MAP1B: variants seen among roughly 807,000 people sequenced by gnomAD.
The protein encoded by MAP1B is microtubule-associated protein 1B.
A neutral mutation model predicts 176.1 loss-of-function variants in MAP1B; 12 were observed. That is an observed-to-expected ratio of 0.07 (90% confidence interval 0.04 to 0.11). MAP1B has a LOEUF of 0.11. MAP1B is among the 10% of genes least tolerant of loss of function. MAP1B has a pLI of 1.00. For synonymous variants in MAP1B, 1,044 were observed against 1,135.0 expected (o/e 0.92, Z 1.61); for missense variants, 2,523 against 2,990.5 (o/e 0.84, Z 3.65).
chr5:72,156,970 A>G (rs1746238791), intron 2 of MAP1B, among the ~76,000 whole-genome samples: 1 of 152,218 alleles, frequency 6.6e-6, no homozygotes, highest in Non-Finnish European at 1.5e-5. Flanking sequence ...TAGTAGCATC[A>G]TTACGGGCTG....
chr5:72,125,061 A>T (rs182830529), intron 2 of MAP1B, among the ~76,000 whole-genome samples: 24 of 152,250 alleles, frequency 1.6e-4, no homozygotes, highest in African/African-American at 5.5e-4. Context: ...AAAACCTCTC[A>T]CTTGGAAGTT....
At chr5:72,157,390 C>A (rs572781881) in intron 2 of MAP1B, among the ~76,000 whole-genome samples, 1 of 152,262 alleles carries the variant, frequency 6.6e-6, no homozygotes, top group South Asian at 2.1e-4. Context: ...CACAAATCTC[C>A]AATTTATTAT....
chr5:72,202,883 C>T (rs1385340801), intron 5 of MAP1B, among the ~76,000 whole-genome samples: 1 of 152,194 alleles, frequency 6.6e-6, no homozygotes, highest in African/African-American at 2.4e-5. Flanking sequence ...AAAGCCTAGT[C>T]TTTCTGAACC....
In MAP1B at chr5:72,186,765, G is replaced by T. The variant is rs747380525; in HGVS notation, c.510+11G>T. The T allele has an allele frequency of 1.2e-6, 2 of 1,613,832 alleles. No individual in the cohort carries two copies. Among genetic ancestry groups the T allele is most frequent in the South Asian group, 2.2e-5 (2 of 91,082 alleles). ...TTCACCGATCAAGAGGTAGGTTCGT[G>T]TCTGAGAATATCTGTGCTTCTAGTG... On this transcript the variant is annotated intron_variant, in intron 4 of 6. Coordinates refer to ENST00000296755, the MANE Select transcript of MAP1B (RefSeq NM_005909.5). The surrounding 1 kb of genome is among the most constrained non-coding windows in gnomAD (Gnocchi z 4.3).
chr5:72,178,455 T>C (rs951906649), intron 2 of MAP1B, among the ~76,000 whole-genome samples: 1 of 152,232 alleles, frequency 6.6e-6, no homozygotes, highest in African/African-American at 2.4e-5. Flanking sequence ...TACTCCAGTG[T>C]TGAACCTGGG....
intron 2 of MAP1B, among the ~76,000 whole-genome samples, chr5:72,165,384 T>C (rs574524755): frequency 6.6e-6 from 1 of 152,338 alleles, no homozygotes; most frequent in South Asian, 2.1e-4. Flanking sequence ...ACTTAAGTCA[T>C]AGAATATACG....
At chr5:72,193,220 A>G in intron 4 of MAP1B, 2 of 380,924 alleles carry the variant, frequency 5.3e-6, no homozygotes. Context: ...GGCAATCCGT[A>G]ACTTCTTGTC....
intron 2 of MAP1B, among the ~76,000 whole-genome samples, chr5:72,140,301 C>G (rs552679517): frequency 6.6e-6 from 1 of 152,308 alleles, no homozygotes; most frequent in African/African-American, 2.4e-5. Flanking sequence ...ATAGAAAATA[C>G]AGGCTGATCC....
intron 2 of MAP1B, among the ~76,000 whole-genome samples, chr5:72,162,576 C>T (rs905236038): frequency 3.0e-4 from 45 of 152,070 alleles, no homozygotes; most frequent in African/African-American, 9.4e-4. Flanking sequence ...TTTATGTTAG[C>T]GCTTATGAAA....
intron 1 of MAP1B, 74 bp downstream of exon 1, chr5:72,107,789 C>A: frequency 6.7e-7 from 1 of 1,496,742 alleles, no homozygotes; most frequent in South Asian, 1.2e-5. Context: ...GCGCGACGGT[C>A]ACTGCGCTCC....
chr5:72,109,216 T>C (rs1017356360), intron 1 of MAP1B, among the ~76,000 whole-genome samples: 2 of 150,870 alleles, frequency 1.3e-5, no homozygotes, highest in African/African-American at 4.9e-5. Context: ...TTTAAAGCAC[T>C]TGATTTTCCC....
At chr5:72,202,752 C>CT (rs1490560403) in intron 5 of MAP1B, among the ~76,000 whole-genome samples, 7 of 152,182 alleles carry the variant, frequency 4.6e-5, no homozygotes, top group Non-Finnish European at 8.8e-5. Flanking sequence ...CCTCAAAATG[C>CT]TAGTTCTATT....
At chr5:72,156,760 A>C (rs1055067205) in intron 2 of MAP1B, among the ~76,000 whole-genome samples, 1 of 152,186 alleles carries the variant, frequency 6.6e-6, no homozygotes, top group Non-Finnish European at 1.5e-5. Context: ...TGCCGTGCAC[A>C]ATATGGGAAG....
At chr5:72,181,578 G>C (rs1350486075) in intron 2 of MAP1B, among the ~76,000 whole-genome samples, 2 of 152,030 alleles carry the variant, frequency 1.3e-5, no homozygotes, top group Non-Finnish European at 2.9e-5. Flanking sequence ...AAGTTTTTGA[G>C]ACAGAGTCTT....
At chr5:72,146,792 GC>G (rs1483625535) in intron 2 of MAP1B, among the ~76,000 whole-genome samples, 1 of 152,092 alleles carries the variant, frequency 6.6e-6, no homozygotes, top group East Asian at 1.9e-4. Context: ...AACCTTATAG[GC>G]TTGAGGCAAA....
chr5:72,154,675 C>T (rs1391205349), intron 2 of MAP1B, among the ~76,000 whole-genome samples: 1 of 152,182 alleles, frequency 6.6e-6, no homozygotes, highest in Non-Finnish European at 1.5e-5. Flanking sequence ...GCAATTGTGC[C>T]ACTAGTTGTG....
chr5:72,117,009 C>T (rs925144597), intron 2 of MAP1B, among the ~76,000 whole-genome samples: 1 of 152,024 alleles, frequency 6.6e-6, no homozygotes, highest in Admixed American at 6.6e-5. Context: ...AAATCCCATA[C>T]ATTTCAGTTA....
chr5:72,175,636 G>C (rs1407667036), intron 2 of MAP1B, among the ~76,000 whole-genome samples: 1 of 152,064 alleles, frequency 6.6e-6, no homozygotes, highest in East Asian at 1.9e-4. Context: ...ATTTTTAATA[G>C]GGAGAAGAAA....
In MAP1B at chr5:72,197,383, A is replaced by G. The variant is rs1165569118; in HGVS notation, c.4028A>G (p.Glu1343Gly). Residue 1343 changes from glutamate to glycine, a missense_variant, in exon 5 of 7, where the codon GAG becomes GGG. Coordinates refer to ENST00000296755, the MANE Select transcript of MAP1B (RefSeq NM_005909.5). ...HTPYYQSPTD[E>G]KSSHLPTEVI... ...CCTTACTATCAATCTCCTACTGACG[A>G]GAAATCCAGTCATCTCCCTACAGAA... 2 of 1,614,198 alleles carry G rather than the reference A, an allele frequency of 1.2e-6. No individual in the cohort carries two copies. Among genetic ancestry groups the G allele is most frequent in the Admixed American group, 1.7e-5 (1 of 60,028 alleles).
Sources: allele counts gnomAD v4.1 joint callset (sites outside exome capture counted in the v4.1 genomes callset), GRCh38; gene constraint gnomAD v4.1.1; non-coding constraint Gnocchi (gnomAD v3.1); transcripts MANE v1.5; gene names NCBI Gene and HGNC (gene_info 2026-07-23, HGNC 2026-07-21).